TTC28: variants seen among roughly 807,000 people sequenced by gnomAD.
TTC28 encodes tetratricopeptide repeat domain 28.
Under a neutral mutation model 198.0 loss-of-function variants are expected in TTC28, and 61 were observed. The ratio of observed to expected loss-of-function variants is 0.31; its 90% CI spans 0.25 to 0.38. The LOEUF (loss-of-function observed/expected upper bound fraction) is 0.38. TTC28 is among the 10% of genes least tolerant of loss of function. The pLI is 1.00. For missense variants in TTC28, 2,678 were observed against 3,164.0 expected, an observed-to-expected ratio of 0.85 and a Z score of 3.69; for synonymous variants, 1,171 against 1,297.8, an observed-to-expected ratio of 0.90 and a Z score of 2.10.
At chr22:28,347,897 G>A (rs997179331) in intron 2 of TTC28, among the ~76,000 whole-genome samples, 6 of 152,326 alleles carry the variant, frequency 3.9e-5, no homozygotes, top group South Asian at 4.1e-4. Context: ...CAGCACCTAC[G>A]CTGTCTTACA....
At position 28,306,557 on chromosome 22, in the gene TTC28, G is replaced by A; in HGVS notation, c.468C>T (p.Asp156=). 1 of 1,551,424 alleles carries A rather than the reference G, an allele frequency of 6.4e-7. No homozygotes were observed. The highest frequency in any genetic ancestry group is 8.7e-7 in the Non-Finnish European group (1 of 1,146,908). Residue 156 remains aspartate (D), a synonymous_variant, in exon 3 of 23, where the codon GAC becomes GAT. Coordinates refer to ENST00000397906, the MANE Select transcript of TTC28 (RefSeq NM_001145418.2). ...LAAFASGLAQ[D]PKSLQLLVGM... ...CCACCAGAAGCTGGAGACTCTTGGG[G>A]TCTTGAGCCAGTCCAGATGCAAAGG...
intron 2 of TTC28, among the ~76,000 whole-genome samples, chr22:28,580,393 T>A (rs1428215348): frequency 2.0e-5 from 3 of 152,178 alleles, no homozygotes; most frequent in Non-Finnish European, 4.4e-5. Flanking sequence ...TAATTTTTAG[T>A]TGTATTTTTT....
chr22:28,132,003 G>T (rs1481524489), intron 6 of TTC28, among the ~76,000 whole-genome samples: 1 of 152,164 alleles, frequency 6.6e-6, no homozygotes, highest in Non-Finnish European at 1.5e-5. Flanking sequence ...AGGCCATTAT[G>T]CCAAGTAAGC....
At chr22:28,304,298 A>T (rs551044651) in intron 3 of TTC28, among the ~76,000 whole-genome samples, 2 of 152,028 alleles carry the variant, frequency 1.3e-5, no homozygotes, top group South Asian at 4.2e-4. Context: ...AAAAAAAAAA[A>T]GTAGGCAGCA....
At chr22:28,199,621 T>C (rs1341139238) in intron 5 of TTC28, among the ~76,000 whole-genome samples, 2 of 149,516 alleles carry the variant, frequency 1.3e-5, no homozygotes, top group Non-Finnish European at 3.0e-5. Flanking sequence ...TGTATGTGTA[T>C]GTTCATAAAA....
chr22:28,108,659 A>T (rs554201175), intron 6 of TTC28, among the ~76,000 whole-genome samples: 2 of 152,248 alleles, frequency 1.3e-5, no homozygotes, highest in Non-Finnish European at 2.9e-5. Flanking sequence ...CATATCTAAA[A>T]TTAAAAGGCA....
intron 1 of TTC28, among the ~76,000 whole-genome samples, chr22:28,653,763 T>C (rs1432214104): frequency 2.6e-5 from 4 of 152,326 alleles, no homozygotes; most frequent in African/African-American, 4.8e-5. Flanking sequence ...AGCCAGCTAC[T>C]CCTTTTGTTA....
At chr22:28,664,816 G>A (rs1251627852) in intron 1 of TTC28, among the ~76,000 whole-genome samples, 1 of 23,296 alleles carries the variant, frequency 4.3e-5, no homozygotes, top group African/African-American at 2.3e-4. Context: ...GATACTCCTC[G>A]AGAAGAGCAA....
intron 2 of TTC28, among the ~76,000 whole-genome samples, chr22:28,444,027 T>G (rs551835927): frequency 9.3e-4 from 142 of 152,346 alleles, no homozygotes; most frequent in African/African-American, 3.3e-3. Context: ...TTTCCTTCTC[T>G]AAATTTAGCA....
At chr22:28,434,209 T>G (rs2047480826) in intron 2 of TTC28, among the ~76,000 whole-genome samples, 1 of 152,206 alleles carries the variant, frequency 6.6e-6, no homozygotes, top group Non-Finnish European at 1.5e-5. Flanking sequence ...TCATTTAGTA[T>G]AGAAATAAAT....
chr22:28,209,910 T>G (rs1431398566), intron 5 of TTC28, among the ~76,000 whole-genome samples: 1 of 152,130 alleles, frequency 6.6e-6, no homozygotes, highest in Admixed American at 6.5e-5. Flanking sequence ...TGACACCTCA[T>G]ACAGACAGGT....
intron 2 of TTC28, among the ~76,000 whole-genome samples, chr22:28,382,013 T>C (rs891007888): frequency 6.6e-6 from 1 of 152,120 alleles, no homozygotes; most frequent in Admixed American, 6.5e-5. Flanking sequence ...AGTAGATAGC[T>C]AGCCCAACAT....
At chr22:28,283,566 A>G (rs762625958) in intron 5 of TTC28, among the ~76,000 whole-genome samples, 45 of 152,152 alleles carry the variant, frequency 3.0e-4, no homozygotes, top group Non-Finnish European at 6.2e-4. Context: ...CAAAGTCAAA[A>G]ATAGTCTTTT....
chr22:28,343,417 C>T (rs543768386), intron 2 of TTC28, among the ~76,000 whole-genome samples: 1 of 152,006 alleles, frequency 6.6e-6, no homozygotes, highest in Admixed American at 6.6e-5. Context: ...GTAATCCCAG[C>T]CACTTGGGAG....
At chr22:28,524,503 C>CAATG (rs1452914958) in intron 2 of TTC28, among the ~76,000 whole-genome samples, 2 of 149,720 alleles carry the variant, frequency 1.3e-5, no homozygotes, top group African/African-American at 2.5e-5. Context: ...CAGACAGGCA[C>CAATG]AATGGCTCAT....
chr22:28,441,887 TAAAAA>T (rs979638590), intron 2 of TTC28, among the ~76,000 whole-genome samples: 1 of 119,170 alleles, frequency 8.4e-6, no homozygotes, highest in African/African-American at 3.2e-5. Context: ...ATTTGAAGTT[TAAAAA>T]AAAAAAAAAA....
chr22:28,168,538 CTT>C (rs1263609121), intron 5 of TTC28, among the ~76,000 whole-genome samples: 3 of 152,132 alleles, frequency 2.0e-5, no homozygotes, highest in African/African-American at 7.2e-5. Flanking sequence ...ACCATCTGAT[CTT>C]TGACAAACCT....
chr22:28,373,620 G>A (rs1269776804), intron 2 of TTC28, among the ~76,000 whole-genome samples: 1 of 152,128 alleles, frequency 6.6e-6, no homozygotes, highest in African/African-American at 2.4e-5. Flanking sequence ...AAACAAGCTT[G>A]TTTAGTAGGT....
At chr22:28,279,399 C>G (rs535347393) in intron 5 of TTC28, among the ~76,000 whole-genome samples, 1 of 152,134 alleles carries the variant, frequency 6.6e-6, no homozygotes, top group African/African-American at 2.4e-5. Context: ...TAGACAGAGT[C>G]TTTCTCTGTC....
Sources: gnomAD v4.1 joint callset for allele counts (sites outside exome capture counted in the v4.1 genomes callset) on GRCh38, gnomAD v4.1.1 for gene constraint, MANE v1.5 for transcripts, NCBI Gene and HGNC (gene_info 2026-07-23, HGNC 2026-07-21) for gene names.